Variants in CERT1 observed in about 807,000 individuals in gnomAD.
CERT1 encodes ceramide transporter 1, also known as ceramide transfer protein.
Under a neutral mutation model 87.9 loss-of-function variants are expected in CERT1, and 31 were observed. The observed-to-expected ratio is 0.35, with a 90% CI of 0.27 to 0.48. The LOEUF is 0.48. Ranked by LOEUF, CERT1 falls within the 20% of genes least tolerant of loss-of-function variation. The probability of loss-of-function intolerance (pLI) is 0.99; values close to 1 mark genes in which losing one functional copy is unlikely to be tolerated. For synonymous variants in CERT1, 289 were observed against 250.9 expected, an observed-to-expected ratio of 1.15 and a Z score of -1.44; for missense variants, 487 against 758.0, an observed-to-expected ratio of 0.64 and a Z score of 4.20.
chr5:75,406,698 C>G (rs924157983), intron 8 of CERT1, among the ~76,000 whole-genome samples: 1 of 151,928 alleles, frequency 6.6e-6, no homozygotes, highest in African/African-American at 2.4e-5. Flanking sequence ...CACCACCATG[C>G]CTAATACAGC....
chr5:75,496,667 A>G (rs1052988606), intron 2 of CERT1, among the ~76,000 whole-genome samples: 2 of 152,236 alleles, frequency 1.3e-5, no homozygotes, highest in African/African-American at 2.4e-5. Flanking sequence ...GAATACATGT[A>G]ACAACATGAT....
At chr5:75,477,658 A>AAC (rs1766023774) in intron 2 of CERT1, among the ~76,000 whole-genome samples, 5 of 150,018 alleles carry the variant, frequency 3.3e-5, no homozygotes, top group Non-Finnish European at 7.4e-5. Flanking sequence ...AAAAAAAAAA[A>AAC]AAAAAAAAAA....
intron 2 of CERT1, among the ~76,000 whole-genome samples, chr5:75,475,695 C>CTT (rs140992251): frequency 1.1e-3 from 168 of 148,876 alleles, no homozygotes; most frequent in African/African-American, 3.7e-3. Flanking sequence ...TAATATTAGC[C>CTT]TTTTTTTTTT....
Position 75,411,118 on chromosome 5 carries a change from T to C in CERT1, c.838-15A>G, listed in dbSNP as rs753911567. 1.4e-6 allele frequency: 2 copies of C among 1,402,688 alleles called. No homozygotes were observed. The highest frequency in any genetic ancestry group is 2.9e-5 in the African/African-American group (2 of 68,732). The allele number at this position is 1,402,688 out of a possible 1,614,324, so 86.9% of individuals were successfully genotyped here. A position where few individuals can be genotyped will look rare whatever the true frequency, so the allele number is the denominator to read the frequency against. ...TTCTCAGTTTCCTATTAAAAAGAAG[T>C]GAAAAATCTGTAATTTGAGGCAGGC... On this transcript the variant is annotated splice_polypyrimidine_tract_variant and intron_variant, in intron 7 of 16. Transcript: ENST00000643780.
chr5:75,397,900 T>C (rs1002277835), intron 11 of CERT1, among the ~76,000 whole-genome samples: 5 of 152,232 alleles, frequency 3.3e-5, no homozygotes, highest in African/African-American at 7.2e-5. Flanking sequence ...GTGCCTGTAA[T>C]CCCAGCTACT....
At chr5:75,434,874 C>CT (rs1333918539) in intron 3 of CERT1, among the ~76,000 whole-genome samples, 1 of 151,942 alleles carries the variant, frequency 6.6e-6, no homozygotes, top group Non-Finnish European at 1.5e-5. Flanking sequence ...TTTGGATCTT[C>CT]TTTTTTTCAT....
chr5:75,477,665 A>G (rs570211498), intron 2 of CERT1, among the ~76,000 whole-genome samples: 70 of 150,362 alleles, frequency 4.7e-4, no homozygotes, highest in African/African-American at 1.6e-3. Flanking sequence ...AAAAAAAAAA[A>G]AAAACAACCA....
chr5:75,424,554 G>A (rs1484717758), intron 5 of CERT1, among the ~76,000 whole-genome samples: 1 of 150,130 alleles, frequency 6.7e-6, no homozygotes, highest in Non-Finnish European at 1.5e-5. Flanking sequence ...CCTGGTGACA[G>A]AGCGAGACTC....
At chr5:75,476,902 T>TC (rs1221198823) in intron 2 of CERT1, among the ~76,000 whole-genome samples, 2 of 152,108 alleles carry the variant, frequency 1.3e-5, no homozygotes, top group Non-Finnish European at 2.9e-5. Flanking sequence ...CACTTTGTAC[T>TC]CCGAGATGGG....
chr5:75,398,250 T>C (rs887585197), intron 11 of CERT1, among the ~76,000 whole-genome samples: 47 of 152,268 alleles, frequency 3.1e-4, no homozygotes, highest in African/African-American at 1.1e-3. Flanking sequence ...ATAAAAATAA[T>C]AGAAATCTCT....
downstream of CERT1, chr5:75,374,198 GA>G (rs749454395): frequency 0.16 from 48,309 of 293,662 alleles, 75 homozygotes; most frequent in East Asian, 0.21. Context: ...GTCACTGAAG[GA>G]AAAAAAAAAA....
chr5:75,420,621 A>C (rs1263615433), intron 5 of CERT1, among the ~76,000 whole-genome samples: 2 of 152,128 alleles, frequency 1.3e-5, no homozygotes, highest in African/African-American at 4.8e-5. Flanking sequence ...ATCTGTATCC[A>C]GGCATCCCTT....
chr5:75,499,951 G>T (rs137886483), intron 2 of CERT1, among the ~76,000 whole-genome samples: 22 of 152,284 alleles, frequency 1.4e-4, no homozygotes, highest in African/African-American at 5.1e-4. Flanking sequence ...CAGCAGCATT[G>T]TGGATTTAAT....
intron 12 of CERT1, 160 bp from the exon 13 acceptor site, chr5:75,386,194 CAA>C (rs1161413454): frequency 4.2e-6 from 2 of 478,866 alleles, no homozygotes; most frequent in Non-Finnish European, 3.3e-6. Flanking sequence ...AATTAACAGA[CAA>C]AAAAGTACTT....
intron 2 of CERT1, among the ~76,000 whole-genome samples, chr5:75,476,998 C>A (rs941284357): frequency 6.6e-6 from 1 of 152,202 alleles, no homozygotes; most frequent in East Asian, 1.9e-4. Flanking sequence ...CCTTTAACTA[C>A]TGACTCCCTA....
At chr5:75,405,747 A>G (rs900186219) in intron 8 of CERT1, among the ~76,000 whole-genome samples, 11 of 152,130 alleles carry the variant, frequency 7.2e-5, no homozygotes, top group Admixed American at 4.6e-4. Context: ...CAGTACTATA[A>G]TTGTTCTATT....
At chr5:75,434,687 T>C (rs777520180) in intron 3 of CERT1, among the ~76,000 whole-genome samples, 66 of 152,100 alleles carry the variant, frequency 4.3e-4, no homozygotes, top group Admixed American at 1.4e-3. Flanking sequence ...TTGTTATTGG[T>C]CTGTTCAGGA....
chr5:75,448,380 T>C (rs1239187874), intron 3 of CERT1, among the ~76,000 whole-genome samples: 3 of 152,188 alleles, frequency 2.0e-5, no homozygotes, highest in Non-Finnish European at 4.4e-5. Flanking sequence ...GTTACGGTAA[T>C]ATTTTAACCT....
At chr5:75,455,944 A>G (rs1258137086) in intron 3 of CERT1, among the ~76,000 whole-genome samples, 1 of 152,198 alleles carries the variant, frequency 6.6e-6, no homozygotes, top group African/African-American at 2.4e-5. Context: ...CACATAAAGC[A>G]CTTAATACAA....
Sources: allele counts gnomAD v4.1 joint callset (sites outside exome capture counted in the v4.1 genomes callset), GRCh38; gene constraint gnomAD v4.1.1; transcripts MANE v1.5; gene names NCBI Gene and HGNC (gene_info 2026-07-23, HGNC 2026-07-21).